SH3RF3: variants seen among roughly 807,000 people sequenced by gnomAD.
SH3RF3 encodes SH3 domain containing ring finger 3, also known as E3 ubiquitin-protein ligase SH3RF3.
In SH3RF3, 29 loss-of-function variants were observed where a neutral mutation model predicts 66.3. The observed-to-expected ratio is 0.44, with a 90% CI of 0.33 to 0.60. The LOEUF (loss-of-function observed/expected upper bound fraction) is 0.60. Ranked by LOEUF, SH3RF3 falls within the 20% of genes least tolerant of loss-of-function variation. The probability of loss-of-function intolerance (pLI) is 0.04; values close to 1 mark genes in which losing one functional copy is unlikely to be tolerated. For missense variants in SH3RF3, 1,194 were observed against 1,190.9 expected (o/e 1.00, Z -0.04); for synonymous variants, 583 against 532.0 (o/e 1.10, Z -1.32).
At position 109,235,163 on chromosome 2, in the gene SH3RF3, C is replaced by T. The variant is rs182511037; in HGVS notation, c.573+105050C>T. On this transcript the variant is annotated intron_variant, in intron 1 of 9. Coordinates refer to ENST00000309415, the MANE Select transcript of SH3RF3 (RefSeq NM_001099289.3). ...GGGAAGACTGTCTGGCCCATGGTTTCTAAACACTTCAGAGCGGGAGGAACC... is the reference window on the plus strand; with the variant it reads ...GGGAAGACTGTCTGGCCCATGGTTTTTAAACACTTCAGAGCGGGAGGAACC... Among the ~76,000 whole-genome samples the T allele has an allele frequency of 2.7e-3, 418 of 152,240 alleles. 4 individuals carry two copies. The highest frequency in any genetic ancestry group is 9.7e-3 in the African/African-American group (402 of 41,556).
At chr2:109,274,497 C>T (rs1314542853) in intron 1 of SH3RF3, among the ~76,000 whole-genome samples, 5 of 152,030 alleles carry the variant, frequency 3.3e-5, no homozygotes, top group Non-Finnish European at 5.9e-5. Flanking sequence ...TTGTGTGAAC[C>T]TCAAAAACAT....
chr2:109,415,870 T>C (rs555327330), intron 4 of SH3RF3, among the ~76,000 whole-genome samples: 2 of 152,268 alleles, frequency 1.3e-5, no homozygotes, highest in East Asian at 3.9e-4. Flanking sequence ...GGCGCAGCAC[T>C]GAGAGGTGGG....
At chr2:109,234,949 A>T (rs1009323808) in intron 1 of SH3RF3, among the ~76,000 whole-genome samples, 1 of 152,184 alleles carries the variant, frequency 6.6e-6, no homozygotes, top group Non-Finnish European at 1.5e-5. Context: ...TGAGTGTCCT[A>T]ACCTCAGCAC....
chr2:109,155,720 G>C (rs1199641742), intron 1 of SH3RF3, among the ~76,000 whole-genome samples: 1 of 152,184 alleles, frequency 6.6e-6, no homozygotes, highest in African/African-American at 2.4e-5. Context: ...AGGGTTTCTA[G>C]CAGTACTTGA....
chr2:109,473,407 C>T (rs1220561505), intron 8 of SH3RF3, among the ~76,000 whole-genome samples: 1 of 152,040 alleles, frequency 6.6e-6, no homozygotes, highest in East Asian at 1.9e-4. Context: ...GCATTTGGCA[C>T]CAAATTGGGA....
At chr2:109,433,294 G>A (rs373552746) in intron 6 of SH3RF3, among the ~76,000 whole-genome samples, 3 of 152,238 alleles carry the variant, frequency 2.0e-5, no homozygotes, top group Non-Finnish European at 2.9e-5. Context: ...AAAGGTCAAC[G>A]ATTGTTGAGT....
Position 109,398,570 on chromosome 2 carries a change from C to T in SH3RF3, c.946-20C>T, listed in dbSNP as rs191354318. ...TGACCATGATTTAATGCAGCCTCCC[C>T]TCTCCCCTTTCTCACTCAGCTCAAT... On this transcript the variant is annotated intron_variant, in intron 3 of 9. Coordinates refer to ENST00000309415, the MANE Select transcript of SH3RF3 (RefSeq NM_001099289.3). 26 of 1,530,968 alleles carry T rather than the reference C, an allele frequency of 1.7e-5. No individual in the cohort carries two copies. Among genetic ancestry groups the T allele is most frequent in the South Asian group, 2.4e-5 (2 of 83,148 alleles). The allele number at this position is 1,530,968 out of a possible 1,614,324, so 94.8% of individuals were successfully genotyped here. A position where few individuals can be genotyped will look rare whatever the true frequency, so the allele number is the denominator to read the frequency against.
At chr2:109,168,610 A>C (rs1172879266) in intron 1 of SH3RF3, among the ~76,000 whole-genome samples, 1 of 152,226 alleles carries the variant, frequency 6.6e-6, no homozygotes, top group Non-Finnish European at 1.5e-5. Flanking sequence ...ATCTGGCCGT[A>C]GGTGGTAAGA....
chr2:109,233,969 T>G (rs1679582928), intron 1 of SH3RF3, among the ~76,000 whole-genome samples: 1 of 152,238 alleles, frequency 6.6e-6, no homozygotes, highest in African/African-American at 2.4e-5. Flanking sequence ...GATATTTGAA[T>G]TGTTTCCAGT....
At position 109,244,759 on chromosome 2, in the gene SH3RF3, C is replaced by A. The variant is rs143216108; in HGVS notation, c.574-102915C>A. Among the ~76,000 whole-genome samples, 21 of 152,318 alleles carry A rather than the reference C, an allele frequency of 1.4e-4. No individual in the cohort carries two copies. In the South Asian group the frequency reaches 4.1e-3, roughly 30 times the overall value. On this transcript the variant is annotated intron_variant, in intron 1 of 9. Coordinates refer to ENST00000309415, the MANE Select transcript of SH3RF3 (RefSeq NM_001099289.3). ...GTCACTCAGAACCTCAATGCCCGGGCCCTTGAGGCAGCCTGTGGCCCAGGG... is the reference window on the plus strand; with the variant it reads ...GTCACTCAGAACCTCAATGCCCGGGACCTTGAGGCAGCCTGTGGCCCAGGG...
intron 1 of SH3RF3, among the ~76,000 whole-genome samples, chr2:109,264,661 TAAC>T (rs1335415858): frequency 6.6e-6 from 1 of 152,228 alleles, no homozygotes; most frequent in East Asian, 1.9e-4. Flanking sequence ...ACAGAGATGA[TAAC>T]AGCCCCTCCC....
intron 7 of SH3RF3, among the ~76,000 whole-genome samples, chr2:109,442,720 C>T (rs1422586539): frequency 6.6e-6 from 1 of 152,002 alleles, no homozygotes; most frequent in Non-Finnish European, 1.5e-5. Flanking sequence ...CAAAAAGTTA[C>T]AGCAAATAAG....
Position 109,277,128 on chromosome 2 carries a change from G to T in SH3RF3, c.574-70546G>T, listed in dbSNP as rs571588139. Among the ~76,000 whole-genome samples, 6 of 152,306 alleles carry T rather than the reference G, an allele frequency of 3.9e-5. No individual in the cohort carries two copies. The South Asian group carries it at 1.2e-3, about 32-fold the overall frequency. ...TCCAGAGCCCTCAGGACTGTAGGAG[G>T]GGGCATGGGGTGGCAGGTCAGCCTT... On this transcript the variant is annotated intron_variant, in intron 1 of 9. Coordinates refer to ENST00000309415, the MANE Select transcript of SH3RF3 (RefSeq NM_001099289.3).
intron 1 of SH3RF3, among the ~76,000 whole-genome samples, 168 bp from the exon 2 acceptor site, chr2:109,347,506 T>C (rs897133632): frequency 1.3e-5 from 2 of 152,082 alleles, no homozygotes; most frequent in Non-Finnish European, 2.9e-5. Flanking sequence ...AATGTGCATG[T>C]TCCTGTGACA....
At chr2:109,444,899 T>C (rs905637045) in intron 7 of SH3RF3, among the ~76,000 whole-genome samples, 4 of 151,406 alleles carry the variant, frequency 2.6e-5, no homozygotes, top group African/African-American at 9.7e-5. Context: ...ATGTTTAAGA[T>C]CTAAGAGGAA....
chr2:109,314,623 G>C (rs189874710), intron 1 of SH3RF3, among the ~76,000 whole-genome samples: 326 of 152,290 alleles, frequency 2.1e-3, no homozygotes, highest in Non-Finnish European at 3.4e-3. Flanking sequence ...CACTCTCCAT[G>C]GTCTTTAAAG....
intron 7 of SH3RF3, among the ~76,000 whole-genome samples, chr2:109,447,857 T>G (rs1677753311): frequency 6.6e-6 from 1 of 152,202 alleles, no homozygotes; most frequent in African/African-American, 2.4e-5. Context: ...AAGAATTGTT[T>G]TTGCTGGCAG....
intron 3 of SH3RF3, among the ~76,000 whole-genome samples, chr2:109,389,861 GCCTGGGCTGTGGCTGGGCCGGC>G (rs1241796871): frequency 6.6e-6 from 1 of 152,190 alleles, no homozygotes; most frequent in African/African-American, 2.4e-5. Context: ...GAGCCCACCT[GCCTGGGCTGTGGCTGGGCCGGC>G]CCTGGGAGCT....
chr2:109,217,407 C>CTTGA (rs1679124569), intron 1 of SH3RF3, among the ~76,000 whole-genome samples: 1 of 152,238 alleles, frequency 6.6e-6, no homozygotes, highest in African/African-American at 2.4e-5. Flanking sequence ...TCACCCTGAT[C>CTTGA]TTGACCTTAG....
Sources: gnomAD v4.1 joint callset for allele counts (sites outside exome capture counted in the v4.1 genomes callset) on GRCh38, gnomAD v4.1.1 for gene constraint, MANE v1.5 for transcripts, NCBI Gene and HGNC (gene_info 2026-07-23, HGNC 2026-07-21) for gene names.